KIF13A: variants seen among roughly 807,000 people sequenced by gnomAD.
KIF13A encodes kinesin-like protein KIF13A.
Under a neutral mutation model 212.2 loss-of-function variants are expected in KIF13A, and 79 were observed. The observed-to-expected ratio is 0.37, with a 90% CI of 0.31 to 0.45. KIF13A has a LOEUF of 0.45. Among genes scored for constraint, KIF13A ranks in the 20% least tolerant of loss-of-function variants. The pLI, the probability that KIF13A is intolerant of heterozygous loss-of-function variation, is 1.00. For synonymous variants in KIF13A, 789 were observed against 808.6 expected (o/e 0.98, Z 0.41); for missense variants, 1,901 against 2,209.0 (o/e 0.86, Z 2.79).
At chr6:17,774,222 T>C (rs1759738347) in intron 35 of KIF13A, among the ~76,000 whole-genome samples, 1 of 152,196 alleles carries the variant, frequency 6.6e-6, no homozygotes, top group Admixed American at 6.5e-5. Context: ...TTTTGGATCA[T>C]CTAGTCTCTA....
chr6:17,963,361 T>C lies in KIF13A; in HGVS notation c.146+23693A>G, dbSNP rs1779013894. ...TGAACCTGGGAGGGAGAGGCTGCAG[T>C]GAGCTAAGATCGTGCCGTTGCACTC... On this transcript the variant is annotated intron_variant, in intron 2 of 38. Transcript: ENST00000259711. This position sits in a 1 kb window ranked among gnomAD's most constrained non-coding sequence, Gnocchi z 4.1. 6.6e-6 allele frequency among the ~76,000 whole-genome samples: 1 copy of C among 152,102 alleles called. No homozygotes were observed. The highest frequency in any genetic ancestry group is 2.1e-4 in the South Asian group (1 of 4,822).
At position 17,785,465 on chromosome 6, in the gene KIF13A, G is replaced by A; in HGVS notation, c.3488+50C>T. 1 of 1,452,514 alleles carries A rather than the reference G, an allele frequency of 6.9e-7. No homozygotes were observed. The highest frequency in any genetic ancestry group is 9.1e-7 in the Non-Finnish European group (1 of 1,103,486). The allele number at this position is 1,452,514 out of a possible 1,614,324, so 90.0% of individuals were successfully genotyped here. A position where few individuals can be genotyped will look rare whatever the true frequency, so the allele number is the denominator to read the frequency against. ...GTCTCTTGCATGGCTCTTGCCACAG[G>A]CGACCTGTACCATCTCCCCAGGTCT... On this transcript the variant is annotated intron_variant, in intron 28 of 38. Transcript: ENST00000259711. This position sits in a 1 kb window ranked among gnomAD's most constrained non-coding sequence, Gnocchi z 5.8.
intron 14 of KIF13A, among the ~76,000 whole-genome samples, chr6:17,827,178 T>C (rs1008128100): frequency 2.0e-5 from 3 of 152,206 alleles, no homozygotes; most frequent in Non-Finnish European, 4.4e-5. Flanking sequence ...CACTACAGCC[T>C]CAACCTCGTG....
At chr6:17,805,693 AAC>A in intron 18 of KIF13A, 78 bp from the exon 19 acceptor site, 1 of 1,325,870 alleles carries the variant, frequency 7.5e-7, no homozygotes, top group African/African-American at 1.5e-5. Context: ...ATACAACAGT[AAC>A]ACAGTAAGTT....
In KIF13A at chr6:17,777,995, G is replaced by A. The variant is rs893503076; in HGVS notation, c.4093-641C>T. ...CTACTAAAAAATACAAAAATTAGCT[G>A]GGCATGGTGGTGGGTGCCTGTGGTT... On this transcript the variant is annotated intron_variant, in intron 33 of 38. Coordinates refer to ENST00000259711, the MANE Select transcript of KIF13A (RefSeq NM_022113.6). This position sits in a 1 kb window ranked among gnomAD's most constrained non-coding sequence, Gnocchi z 4.4. Among the ~76,000 whole-genome samples the A allele has an allele frequency of 1.3e-5, 2 of 152,060 alleles. No homozygotes were observed. Among genetic ancestry groups the A allele is most frequent in the African/African-American group, 4.8e-5 (2 of 41,410 alleles).
rs1781666653 is a variant in KIF13A at position 17,987,343 on chromosome 6, G to A, written c.55+66C>T. 5.2e-6 allele frequency: 6 copies of A among 1,154,556 alleles called. No individual in the cohort carries two copies. The highest frequency in any genetic ancestry group is 6.8e-6 in the Non-Finnish European group (6 of 882,800). The allele number at this position is 1,154,556 out of a possible 1,614,324, so 71.5% of individuals were successfully genotyped here. A position where few individuals can be genotyped will look rare whatever the true frequency, so the allele number is the denominator to read the frequency against. On this transcript the variant is annotated intron_variant, in intron 1 of 38. Coordinates refer to ENST00000259711, the MANE Select transcript of KIF13A (RefSeq NM_022113.6). This position sits in a 1 kb window ranked among gnomAD's most constrained non-coding sequence, Gnocchi z 7.7. The stretch of plus-strand genomic sequence containing the variant: ...GCCGCGCTCTCGCCGTCCCGGCCCC[G>A]CAGTTTCTAAAGTTGCCCCCGCCCT...
chr6:17,780,123 G>A (rs557108660), intron 31 of KIF13A, among the ~76,000 whole-genome samples: 8 of 152,330 alleles, frequency 5.3e-5, no homozygotes, highest in Admixed American at 5.2e-4. Flanking sequence ...CAGCATAACA[G>A]AAAAAACTGA....
intron 25 of KIF13A, among the ~76,000 whole-genome samples, chr6:17,790,405 C>CA (rs1426436911): frequency 1.3e-5 from 2 of 152,030 alleles, no homozygotes; most frequent in Admixed American, 1.3e-4. Context: ...ACCTTGTCTC[C>CA]AAAAACATAA....
chr6:17,814,878 G>C (rs574619512), intron 17 of KIF13A, among the ~76,000 whole-genome samples: 2 of 152,264 alleles, frequency 1.3e-5, no homozygotes, highest in East Asian at 3.9e-4. Flanking sequence ...TTTTCTCCTC[G>C]TGTGTGGAGA....
chr6:17,801,602 A>C (rs1477243069), intron 20 of KIF13A, among the ~76,000 whole-genome samples: 3 of 152,222 alleles, frequency 2.0e-5, no homozygotes, highest in African/African-American at 7.2e-5. Flanking sequence ...TTGTTATGGG[A>C]TAAACTTATC....
At position 17,947,332 on chromosome 6, in the gene KIF13A, AT is replaced by A. The variant is rs1777490986; in HGVS notation, c.146+39721del. On this transcript the variant is annotated intron_variant, in intron 2 of 38. Coordinates refer to ENST00000259711, the MANE Select transcript of KIF13A (RefSeq NM_022113.6). The surrounding 1 kb of genome is among the most constrained non-coding windows in gnomAD (Gnocchi z 4.6). ...TAAGTTATATACTTCTTTATTATAC[AT>A]GCAATGAATTTTTTAAATAAAGCAA... Among the ~76,000 whole-genome samples, 1 of 152,140 alleles carries A rather than the reference AT, an allele frequency of 6.6e-6. No homozygotes were observed. Among genetic ancestry groups the A allele is most frequent in the Non-Finnish European group, 1.5e-5 (1 of 68,032 alleles).
In KIF13A at chr6:17,780,750, C is replaced by T. The variant is rs764686226; in HGVS notation, c.3826G>A (p.Ala1276Thr). The T allele has an allele frequency of 6.2e-7, 1 of 1,613,916 alleles. No individual in the cohort carries two copies. The highest frequency in any genetic ancestry group is 8.5e-7 in the Non-Finnish European group (1 of 1,179,820). ...MELVLRKRIAANIYNKQSFTQ... is the reference protein window; with the variant it reads ...MELVLRKRIATNIYNKQSFTQ... ...ATTACCTGTTTGTTGTAAATATTGG[C>T]TGCAATTCGTTTTCGTAATACTAAC... Residue 1276 changes from alanine (A) to threonine (T), a missense_variant, in exon 31 of 39, where the codon GCC becomes ACC. Around this residue, in one of 5 missense-constraint regions of KIF13A, gnomAD observed 687 missense variants for 759.1 expected, o/e 0.90. Coordinates refer to ENST00000259711, the MANE Select transcript of KIF13A (RefSeq NM_022113.6).
rs1770084612 is a variant in KIF13A at position 17,872,262 on chromosome 6, CT to C, written c.220+1114del. Reference sequence around the variant, plus strand: ...TATCAATAAACAAAACATTAATTTTCTTTAAACTAGTCATGTGCTTTTACCT... The same window carrying C: ...TATCAATAAACAAAACATTAATTTTCTTAAACTAGTCATGTGCTTTTACCT... On this transcript the variant is annotated intron_variant, in intron 4 of 38. Transcript: ENST00000259711. The surrounding 1 kb of genome is among the most constrained non-coding windows in gnomAD (Gnocchi z 4.7). 2.0e-5 allele frequency among the ~76,000 whole-genome samples: 3 copies of C among 152,170 alleles called. No homozygotes were observed. The highest frequency in any genetic ancestry group is 2.0e-4 in the Admixed American group (3 of 15,282).
intron 2 of KIF13A, among the ~76,000 whole-genome samples, chr6:17,969,992 G>A (rs911286863): frequency 2.0e-5 from 3 of 151,072 alleles, no homozygotes; most frequent in African/African-American, 4.9e-5. Flanking sequence ...GCGCGATCTC[G>A]GCTCACTGAA....
intron 2 of KIF13A, among the ~76,000 whole-genome samples, chr6:17,955,188 G>A (rs749360492): frequency 6.6e-5 from 10 of 152,190 alleles, no homozygotes; most frequent in Non-Finnish European, 1.2e-4. Flanking sequence ...GAATTGATCT[G>A]GTCTAATCTC....
chr6:17,819,361 A>C (rs1764233968), intron 16 of KIF13A, among the ~76,000 whole-genome samples: 1 of 152,084 alleles, frequency 6.6e-6, no homozygotes, highest in Non-Finnish European at 1.5e-5. Context: ...TCAGGAGTTC[A>C]AGATCTGCCT....
At chr6:17,933,404 AT>A (rs11377627) in intron 2 of KIF13A, among the ~76,000 whole-genome samples, 2,755 of 114,548 alleles carry the variant, frequency 0.024, 61 homozygotes, top group African/African-American at 0.085. Context: ...CACCCAGCTC[AT>A]TTTTTTTTTT....
chr6:17,957,775 G>A (rs907041076), intron 2 of KIF13A, among the ~76,000 whole-genome samples: 6 of 152,118 alleles, frequency 3.9e-5, no homozygotes, highest in African/African-American at 1.4e-4. Flanking sequence ...TGCTTGTTGT[G>A]GTGTGAGAGC....
rs1416204609 is a variant in KIF13A at position 17,899,469 on chromosome 6, C to T, written c.147-1289G>A. Among the ~76,000 whole-genome samples, 2 of 152,194 alleles carry T rather than the reference C, an allele frequency of 1.3e-5. No homozygotes were observed. Among genetic ancestry groups the T allele is most frequent in the Non-Finnish European group, 2.9e-5 (2 of 68,032 alleles). ...TTTTTCTCCATCACTGGGTGCGACA[C>T]TCCTTACAGAGCTCTGAGGGACTCG... On this transcript the variant is annotated intron_variant, in intron 2 of 38. Transcript: ENST00000259711. The surrounding 1 kb of genome is among the most constrained non-coding windows in gnomAD (Gnocchi z 5.2).
Sources: gnomAD v4.1 joint callset for allele counts (sites outside exome capture counted in the v4.1 genomes callset) on GRCh38, gnomAD v4.1.1 for gene constraint, gnomAD v4.1.1 regional missense constraint, Gnocchi (gnomAD v3.1) non-coding constraint, MANE v1.5 for transcripts, NCBI Gene and HGNC (gene_info 2026-07-23, HGNC 2026-07-21) for gene names.